PRDM16: variants seen among roughly 807,000 people sequenced by gnomAD.
PRDM16 encodes the protein PR/SET domain 16.
Under a neutral mutation model 110.6 loss-of-function variants are expected in PRDM16, and 23 were observed. The observed-to-expected ratio is 0.21, with a 90% CI of 0.15 to 0.29. The LOEUF is 0.29. PRDM16 is among the 10% of genes least tolerant of loss of function. The probability of loss-of-function intolerance (pLI) is 1.00; values close to 1 mark genes in which losing one functional copy is unlikely to be tolerated. For synonymous variants in PRDM16, 799 were observed against 781.8 expected, an observed-to-expected ratio of 1.02 and a Z score of -0.37; for missense variants, 1,615 against 1,794.3, an observed-to-expected ratio of 0.90 and a Z score of 1.81.
intron 4 of PRDM16, among the ~76,000 whole-genome samples, chr1:3,385,630 G>A (rs986842758): frequency 6.6e-6 from 1 of 152,228 alleles, no homozygotes; most frequent in East Asian, 1.9e-4. Context: ...CTTCCCTGAA[G>A]GACACGGGAG....
rs747451506 is a variant in PRDM16, at chr1:3,425,707, C to T, written c.3066C>T (p.Asn1022=). ...LCNRCFGQQT[N]LDRHLKKHEH... is the part of the protein sequence containing the mutation. ...ACCGCTGCTTCGGGCAGCAGACCAA[C>T]CTGGACCGGCACCTCAAGAAGCACG... Residue 1022 remains asparagine (N), a synonymous_variant, in exon 13 of 17, where the codon AAC becomes AAT. Coordinates refer to ENST00000270722, the MANE Select transcript of PRDM16 (RefSeq NM_022114.4). This position sits in a 1 kb window ranked among gnomAD's most constrained non-coding sequence, Gnocchi z 6.9. 5.0e-6 allele frequency: 8 copies of T among 1,613,762 alleles called. No individual in the cohort carries two copies. The African/African-American group carries it at 8.0e-5, about 16-fold the overall frequency.
rs1358380892 is a variant in PRDM16 at position 3,404,748 on chromosome 1, G to A, written c.894G>A (p.Gln298=). 9 of 1,613,312 alleles carry A rather than the reference G, an allele frequency of 5.6e-6. No homozygotes were observed. Among genetic ancestry groups the A allele is most frequent in the Admixed American group, 1.7e-5 (1 of 59,972 alleles). ...CTCGTCCTCTGCGCAGCCTGGAGCAGCACATGGTCATCCACACGGAGGAGC... is the reference window on the plus strand; with the variant it reads ...CTCGTCCTCTGCGCAGCCTGGAGCAACACATGGTCATCCACACGGAGGAGC... The part of the protein sequence containing the change: ...RMFPNKYSLE[Q]HMVIHTEERE... Residue 298 remains glutamine, a synonymous_variant, in exon 7 of 17, where the codon CAG becomes CAA. Transcript: ENST00000270722.
chr1:3,106,642 G>A (rs1642662844), intron 1 of PRDM16, among the ~76,000 whole-genome samples: 1 of 152,140 alleles, frequency 6.6e-6, no homozygotes, highest in Non-Finnish European at 1.5e-5. Flanking sequence ...AATTACACAT[G>A]GGGTTTGGGA....
At chr1:3,324,843 T>C (rs1165437058) in intron 3 of PRDM16, among the ~76,000 whole-genome samples, 1 of 151,384 alleles carries the variant, frequency 6.6e-6, no homozygotes, top group African/African-American at 2.4e-5. Context: ...GGGCAGCACA[T>C]CTGACCCTCC....
intron 2 of PRDM16, among the ~76,000 whole-genome samples, chr1:3,229,225 G>A (rs1639355317): frequency 6.6e-6 from 1 of 152,158 alleles, no homozygotes; most frequent in South Asian, 2.1e-4. Flanking sequence ...ATTCCCCCAG[G>A]GCCATCGTTA....
chr1:3,171,112 C>T (rs975920937), intron 1 of PRDM16, among the ~76,000 whole-genome samples: 3 of 152,370 alleles, frequency 2.0e-5, no homozygotes, highest in East Asian at 3.9e-4. Context: ...TGACAGTGCT[C>T]GGGGCCCTCT....
intron 2 of PRDM16, among the ~76,000 whole-genome samples, chr1:3,215,578 C>T (rs7543107): frequency 8.8e-4 from 134 of 152,316 alleles, no homozygotes; most frequent in African/African-American, 3.2e-3. Context: ...CTCCCTCCAC[C>T]GAGCGGACCA....
chr1:3,202,037 C>T (rs1409533126), intron 2 of PRDM16, among the ~76,000 whole-genome samples: 1 of 152,192 alleles, frequency 6.6e-6, no homozygotes, highest in African/African-American at 2.4e-5. Flanking sequence ...TCCCCACTGC[C>T]TTCTGAGGTT....
chr1:3,268,603 A>G (rs1168942088), intron 3 of PRDM16, among the ~76,000 whole-genome samples: 1 of 152,140 alleles, frequency 6.6e-6, no homozygotes, highest in Non-Finnish European at 1.5e-5. Flanking sequence ...CTAGCTTAAA[A>G]AAATCCATCA....
chr1:3,073,011 C>T (rs1463675289), intron 1 of PRDM16, among the ~76,000 whole-genome samples: 3 of 152,242 alleles, frequency 2.0e-5, no homozygotes, highest in East Asian at 1.9e-4. Flanking sequence ...ATGCCTGGCT[C>T]GCCAACCACC....
rs1231057080 is a variant in PRDM16, at chr1:3,143,804, C to T, written c.38-42321C>T. Among the ~76,000 whole-genome samples, 1 of 152,222 alleles carries T rather than the reference C, an allele frequency of 6.6e-6. No homozygotes were observed. The highest frequency in any genetic ancestry group is 6.5e-5 in the Admixed American group (1 of 15,296). ...TTCTTTTTTTCTAAATAGTGAGGCC[C>T]AGAGTGCAGGTGTGTGTCACACACC... On this transcript the variant is annotated intron_variant, in intron 1 of 16. Transcript: ENST00000270722. The surrounding 1 kb of genome is among the most constrained non-coding windows in gnomAD (Gnocchi z 4.5).
intron 3 of PRDM16, among the ~76,000 whole-genome samples, chr1:3,338,359 C>T (rs1360737666): frequency 1.3e-5 from 2 of 152,226 alleles, no homozygotes; most frequent in African/African-American, 4.8e-5. Context: ...GGCCCCAGGA[C>T]ATTTGGCCTC....
At chr1:3,259,030 G>A (rs552065331) in intron 3 of PRDM16, among the ~76,000 whole-genome samples, 96 of 152,334 alleles carry the variant, frequency 6.3e-4, no homozygotes, top group African/African-American at 2.1e-3. Context: ...ATGCAGAGGC[G>A]GGAGCAAAAG....
intron 3 of PRDM16, among the ~76,000 whole-genome samples, chr1:3,324,579 C>G (rs564313198): frequency 2.6e-5 from 4 of 152,118 alleles, no homozygotes; most frequent in Admixed American, 6.5e-5. Context: ...TCCGAACAGC[C>G]GAGCGACCTG....
At chr1:3,313,069 G>T (rs1641502857) in intron 3 of PRDM16, among the ~76,000 whole-genome samples, 1 of 152,242 alleles carries the variant, frequency 6.6e-6, no homozygotes, top group Admixed American at 6.5e-5. Flanking sequence ...CAGGCACCGT[G>T]TCCCAAGGCC....
intron 1 of PRDM16, among the ~76,000 whole-genome samples, chr1:3,075,145 G>C (rs375255209): frequency 6.6e-6 from 1 of 152,260 alleles, no homozygotes; most frequent in Non-Finnish European, 1.5e-5. Context: ...AATGCCCCGA[G>C]GCCTGAAGAT....
At chr1:3,212,398 C>G (rs938405728) in intron 2 of PRDM16, among the ~76,000 whole-genome samples, 2 of 152,192 alleles carry the variant, frequency 1.3e-5, no homozygotes, top group East Asian at 3.9e-4. Flanking sequence ...GCTGCCTGAG[C>G]GGGGGCACCT....
chr1:3,403,960 C>T (rs982558424), intron 6 of PRDM16, among the ~76,000 whole-genome samples: 4 of 152,220 alleles, frequency 2.6e-5, no homozygotes, highest in Non-Finnish European at 5.9e-5. Context: ...CCAACTGCGG[C>T]CCTTCCCAGT....
chr1:3,093,538 C>T lies in PRDM16; in HGVS notation c.37+24242C>T, dbSNP rs533017951. Among the ~76,000 whole-genome samples the T allele has an allele frequency of 7.9e-5, 12 of 151,992 alleles. No individual in the cohort carries two copies. In the South Asian group the frequency reaches 1.9e-3, roughly 24 times the overall value. Reference sequence around the variant, plus strand: ...AGGTTGTGTGCTCTCTGCCTCTGGGCGCCCTGGGACCCCCGGCATCTCCAC... The same window carrying T: ...AGGTTGTGTGCTCTCTGCCTCTGGGTGCCCTGGGACCCCCGGCATCTCCAC... On this transcript the variant is annotated intron_variant, in intron 1 of 16. Transcript: ENST00000270722.
Sources: allele counts gnomAD v4.1 joint callset (sites outside exome capture counted in the v4.1 genomes callset), GRCh38; gene constraint gnomAD v4.1.1; non-coding constraint Gnocchi (gnomAD v3.1); transcripts MANE v1.5; gene names NCBI Gene and HGNC (gene_info 2026-07-23, HGNC 2026-07-21).